Variants in MAPRE3 observed in about 807,000 individuals in gnomAD.
MAPRE3 encodes microtubule-associated protein RP/EB family member 3.
In MAPRE3, 2 loss-of-function variants were observed where a neutral mutation model predicts 30.5. The ratio of observed to expected loss-of-function variants is 0.07; its 90% CI spans 0.03 to 0.21. The LOEUF (loss-of-function observed/expected upper bound fraction) is 0.21, where lower values mean the gene tolerates loss of function less well. Ranked by LOEUF, MAPRE3 falls within the 10% of genes least tolerant of loss-of-function variation. The probability of loss-of-function intolerance (pLI) is 1.00; values close to 1 mark genes in which losing one functional copy is unlikely to be tolerated. For missense variants in MAPRE3, 204 were observed against 351.8 expected, an observed-to-expected ratio of 0.58 and a Z score of 3.36; for synonymous variants, 110 against 127.7, an observed-to-expected ratio of 0.86 and a Z score of 0.93.
At chr2:26,972,410 G>C (rs1490547282) in intron 1 of MAPRE3, among the ~76,000 whole-genome samples, 1 of 152,226 alleles carries the variant, frequency 6.6e-6, no homozygotes, top group Non-Finnish European at 1.5e-5. Context: ...GTTTACAGTA[G>C]CCAAGACGGC....
At position 27,013,826 on chromosome 2, in the gene MAPRE3, C is replaced by G. The variant is rs139962029; in HGVS notation, c.-7-8386C>G. Reference sequence around the variant, plus strand: ...AGTCAGATATGTCTATGTCAGTGATCTTGCCTATCAGTAAAGGTTGCTCAG... The same window carrying G: ...AGTCAGATATGTCTATGTCAGTGATGTTGCCTATCAGTAAAGGTTGCTCAG... On this transcript the variant is annotated intron_variant, in intron 1 of 6. Coordinates refer to ENST00000233121, the MANE Select transcript of MAPRE3 (RefSeq NM_012326.4). 1,124 of 152,368 alleles carry G rather than the reference C, an allele frequency of 7.4e-3. 8 individuals carry two copies. The highest frequency in any genetic ancestry group is 0.037 in the Middle Eastern group (11 of 294). 9.4% of individuals were successfully genotyped at this position (152,368 alleles called of 1,614,324 possible). A position where few individuals can be genotyped will look rare whatever the true frequency, so the allele number is the denominator to read the frequency against.
intron 1 of MAPRE3, among the ~76,000 whole-genome samples, chr2:27,005,358 C>T (rs1666702109): frequency 1.3e-5 from 2 of 152,186 alleles, no homozygotes; most frequent in African/African-American, 4.8e-5. Flanking sequence ...CTTAAGTGAG[C>T]TCGTGGTCTT....
At chr2:27,000,058 T>C (rs1666558078) in intron 1 of MAPRE3, among the ~76,000 whole-genome samples, 2 of 152,196 alleles carry the variant, frequency 1.3e-5, no homozygotes. Flanking sequence ...CAATTCTCAG[T>C]TGTTGGTTCT....
intron 1 of MAPRE3, among the ~76,000 whole-genome samples, chr2:27,019,315 G>C (rs553934489): frequency 6.8e-6 from 1 of 148,130 alleles, no homozygotes; most frequent in Non-Finnish European, 1.5e-5. Context: ...TGGAGCTAAA[G>C]CAGAGTCCTG....
intron 1 of MAPRE3, among the ~76,000 whole-genome samples, chr2:27,018,919 A>ATTTT (rs1266935379): frequency 2.7e-5 from 4 of 150,618 alleles, no homozygotes; most frequent in African/African-American, 7.4e-5. Context: ...TTATTTATTT[A>ATTTT]TTTATTTATT....
chr2:26,973,651 G>A (rs1228263819), intron 1 of MAPRE3, among the ~76,000 whole-genome samples: 2 of 151,686 alleles, frequency 1.3e-5, no homozygotes, highest in Admixed American at 6.6e-5. Flanking sequence ...GCTTCCCGGG[G>A]TTCACGCCAT....
chr2:26,995,783 G>GTGTGTC (rs1666442074), intron 1 of MAPRE3, among the ~76,000 whole-genome samples: 1 of 127,082 alleles, frequency 7.9e-6, no homozygotes, highest in Non-Finnish European at 1.6e-5. Context: ...TAAGAGAGGT[G>GTGTGTC]TGTGTGTGTG....
chr2:27,003,866 C>A (rs771766470), intron 1 of MAPRE3, among the ~76,000 whole-genome samples: 28 of 152,236 alleles, frequency 1.8e-4, no homozygotes, highest in Non-Finnish European at 3.4e-4. Flanking sequence ...ATTCCATTAA[C>A]AACCTCTGAC....
chr2:27,014,044 TCTG>T (rs1478077343), intron 1 of MAPRE3: 1 of 152,230 alleles, frequency 6.6e-6, no homozygotes, highest in African/African-American at 2.4e-5. Context: ...CTGTCTGCCT[TCTG>T]CTGGGAGCCT....
At chr2:26,976,053 G>A (rs1249187312) in intron 1 of MAPRE3, among the ~76,000 whole-genome samples, 1 of 152,198 alleles carries the variant, frequency 6.6e-6, no homozygotes, top group Non-Finnish European at 1.5e-5. Context: ...AATGGCATCT[G>A]ACTATATGAC....
chr2:26,987,117 C>A (rs1020018944), intron 1 of MAPRE3, among the ~76,000 whole-genome samples: 2 of 152,120 alleles, frequency 1.3e-5, no homozygotes, highest in African/African-American at 4.8e-5. Flanking sequence ...AAAATGATTT[C>A]TTCCTCAGAA....
At chr2:26,979,323 C>G (rs1388541929) in intron 1 of MAPRE3, among the ~76,000 whole-genome samples, 1 of 152,216 alleles carries the variant, frequency 6.6e-6, no homozygotes, top group Non-Finnish European at 1.5e-5. Context: ...CAATGGCTCA[C>G]GCCTGTCATA....
intron 1 of MAPRE3, among the ~76,000 whole-genome samples, chr2:26,987,444 CT>C (rs1280018773): frequency 3.9e-5 from 6 of 152,006 alleles, no homozygotes; most frequent in African/African-American, 1.4e-4. Flanking sequence ...CAAGACCAGC[CT>C]GGCCAACATA....
intron 1 of MAPRE3, among the ~76,000 whole-genome samples, chr2:26,971,491 GC>G (rs1665915189): frequency 6.6e-6 from 1 of 152,244 alleles, no homozygotes; most frequent in Admixed American, 6.5e-5. Flanking sequence ...CTACTGCCCG[GC>G]CGGTGTTGCG....
Position 27,026,365 on chromosome 2 carries a change from G to A in MAPRE3, c.*17G>A, listed in dbSNP as rs1414842130. ...GAGTACTGAGGGCGGCCGCAGCCCT[G>A]GCTGACTGCACAGCTTCCCCGTGCC... On this transcript the variant is annotated 3_prime_UTR_variant, in exon 7 of 7. Coordinates refer to ENST00000233121, the MANE Select transcript of MAPRE3 (RefSeq NM_012326.4). 6.2e-7 allele frequency: 1 copy of A among 1,606,958 alleles called. No homozygotes were observed. Among genetic ancestry groups the A allele is most frequent in the South Asian group, 1.1e-5 (1 of 90,660 alleles).
chr2:27,023,810 C>T (rs1319963105), intron 3 of MAPRE3: 3 of 506,644 alleles, frequency 5.9e-6, no homozygotes, highest in African/African-American at 3.8e-5. Flanking sequence ...TCTACTGCCT[C>T]GGTGGCTGCA....
intron 1 of MAPRE3, among the ~76,000 whole-genome samples, chr2:26,982,353 T>A (rs1336559107): frequency 6.6e-6 from 1 of 152,206 alleles, no homozygotes; most frequent in Non-Finnish European, 1.5e-5. Context: ...GGTGGGAATA[T>A]GTGGAAAGTC....
At chr2:26,994,538 T>G (rs550217418) in intron 1 of MAPRE3, among the ~76,000 whole-genome samples, 1 of 152,334 alleles carries the variant, frequency 6.6e-6, no homozygotes, top group Non-Finnish European at 1.5e-5. Context: ...TCTAACTATC[T>G]TTTTCTCTAG....
At chr2:27,014,602 CAT>C (rs1437647834) in intron 1 of MAPRE3, 11 of 152,488 alleles carry the variant, frequency 7.2e-5, no homozygotes, top group African/African-American at 2.6e-4. Context: ...CCCGTCTCTG[CAT>C]TGATTAATCC....
Sources: gnomAD v4.1 joint callset for allele counts (sites outside exome capture counted in the v4.1 genomes callset) on GRCh38, gnomAD v4.1.1 for gene constraint, MANE v1.5 for transcripts, NCBI Gene and HGNC (gene_info 2026-07-23, HGNC 2026-07-21) for gene names.